Variants in VWA3B observed in about 807,000 individuals in gnomAD.
The protein encoded by VWA3B is von Willebrand factor A domain-containing protein 3B.
A neutral mutation model predicts 158.3 loss-of-function variants in VWA3B; 138 were observed. The observed-to-expected ratio is 0.87, with a 90% CI of 0.76 to 1.00. The LOEUF (loss-of-function observed/expected upper bound fraction) is 1.00, where lower values mean the gene tolerates loss of function less well. Among genes scored for constraint, VWA3B ranks in the 50% least tolerant of loss-of-function variants. The probability of loss-of-function intolerance (pLI) is 0.00; values close to 1 mark genes in which losing one functional copy is unlikely to be tolerated. For synonymous variants in VWA3B, 596 were observed against 587.3 expected (o/e 1.01, Z -0.21); for missense variants, 1,555 against 1,565.1 (o/e 0.99, Z 0.11).
chr2:98,290,904 A>G (rs945858973), intron 23 of VWA3B: 1 of 328,590 alleles, frequency 3.0e-6, no homozygotes, highest in Non-Finnish European at 5.6e-6. Flanking sequence ...TGTATGTAAT[A>G]TTTTGAAAGT....
chr2:98,248,010 T>G (rs1686509402), intron 19 of VWA3B, among the ~76,000 whole-genome samples: 1 of 152,090 alleles, frequency 6.6e-6, no homozygotes, highest in South Asian at 2.1e-4. Context: ...AGTTCACCAG[T>G]TCTTTTTTAA....
intron 19 of VWA3B, among the ~76,000 whole-genome samples, chr2:98,248,296 G>C (rs1686529911): frequency 6.6e-6 from 1 of 151,952 alleles, no homozygotes; most frequent in African/African-American, 2.4e-5. Context: ...TTGTTAATTT[G>C]CTCAGCTATG....
At chr2:98,228,061 A>C in intron 14 of VWA3B, 141 bp from the exon 15 acceptor site, 1 of 868,180 alleles carries the variant, frequency 1.2e-6, no homozygotes, top group East Asian at 2.9e-5. Flanking sequence ...GGCCAAGATG[A>C]GAGGATCACT....
intron 6 of VWA3B, among the ~76,000 whole-genome samples, chr2:98,129,784 C>T (rs1343121271): frequency 6.6e-6 from 1 of 152,128 alleles, no homozygotes; most frequent in Non-Finnish European, 1.5e-5. Flanking sequence ...ATTATAAAAT[C>T]CTTTCCTAAG....
chr2:98,234,308 T>A (rs1452174121), intron 16 of VWA3B, among the ~76,000 whole-genome samples: 1 of 152,192 alleles, frequency 6.6e-6, no homozygotes, highest in East Asian at 1.9e-4. Flanking sequence ...GGAAGAGTCG[T>A]GTGAGAAGTA....
At chr2:98,223,308 C>A (rs201142083) in intron 14 of VWA3B, among the ~76,000 whole-genome samples, 90 of 123,472 alleles carry the variant, frequency 7.3e-4, no homozygotes, top group South Asian at 1.8e-3. Context: ...GAAAATAGAC[C>A]AAAAAAAAAA....
intron 14 of VWA3B, among the ~76,000 whole-genome samples, chr2:98,227,010 A>G (rs1684964225): frequency 6.6e-6 from 1 of 152,024 alleles, no homozygotes; most frequent in African/African-American, 2.4e-5. Context: ...CTCTCTCACC[A>G]CTCCTATTCA....
chr2:98,161,942 A>G (rs1678622617), intron 7 of VWA3B, among the ~76,000 whole-genome samples: 1 of 152,132 alleles, frequency 6.6e-6, no homozygotes, highest in Admixed American at 6.5e-5. Context: ...CCTGACCTCC[A>G]TTGATCTGCC....
At chr2:98,188,174 G>A in intron 10 of VWA3B, 45 bp downstream of exon 10, 1 of 1,580,074 alleles carries the variant, frequency 6.3e-7, no homozygotes, top group Non-Finnish European at 8.6e-7. Flanking sequence ...CCTCGCTCTG[G>A]ACATTCTCAT....
At chr2:98,175,813 T>C (rs1303078508) in intron 8 of VWA3B, among the ~76,000 whole-genome samples, 1 of 152,244 alleles carries the variant, frequency 6.6e-6, no homozygotes, top group Non-Finnish European at 1.5e-5. Flanking sequence ...AACATTTACC[T>C]GATCTCCACA....
chr2:98,099,063 G>C (rs1682910219), intron 2 of VWA3B, among the ~76,000 whole-genome samples: 1 of 151,972 alleles, frequency 6.6e-6, no homozygotes, highest in Non-Finnish European at 1.5e-5. Context: ...AATTATTCTA[G>C]TTATTATTAT....
intron 26 of VWA3B, among the ~76,000 whole-genome samples, chr2:98,311,193 C>T (rs1051878406): frequency 6.6e-6 from 1 of 152,144 alleles, no homozygotes; most frequent in Non-Finnish European, 1.5e-5. Context: ...AAACGGTGAG[C>T]CATGGAGGCA....
chr2:98,326,467 G>A, the VWA3B span, among the ~76,000 whole-genome samples: 1 of 152,128 alleles, frequency 6.6e-6, no homozygotes, highest in African/African-American at 2.4e-5. Flanking sequence ...AATATTTGAA[G>A]ACAAAATTAT....
At chr2:98,217,042 G>GC in intron 13 of VWA3B, 1 of 1,203,102 alleles carries the variant, frequency 8.3e-7, no homozygotes, top group Non-Finnish European at 1.1e-6. Flanking sequence ...ATGTTCAAGT[G>GC]CCCCAGGATG....
Position 98,129,224 on chromosome 2 carries a change from A to AGTGT in VWA3B, c.872+848_872+851dup, listed in dbSNP as rs1228441504. ...AGAGAGAGGAGAGAGAGAGAGAGAG[A>AGTGT]GTGTGTGTGTGTGTGTGTGTGTGTG... On this transcript the variant is annotated intron_variant, in intron 6 of 27. Transcript: ENST00000477737. 5.1e-3 allele frequency among the ~76,000 whole-genome samples: 634 copies of AGTGT among 124,640 alleles called. 5 individuals carry two copies. The highest frequency in any genetic ancestry group is 0.013 in the South Asian group (46 of 3,672). The allele number at this position is 124,640 out of a possible 152,430, so 81.8% of individuals were successfully genotyped here.
chr2:98,228,125 A>G, intron 14 of VWA3B, 77 bp from the exon 15 acceptor site: 2 of 1,472,370 alleles, frequency 1.4e-6, no homozygotes, highest in Non-Finnish European at 1.8e-6. Flanking sequence ...TCTTGTCTCT[A>G]AAAAGAAAAG....
chr2:98,256,149 G>C lies in VWA3B; in HGVS notation c.2818G>C (p.Ala940Pro), dbSNP rs1687124535. 6.2e-7 allele frequency: 1 copy of C among 1,612,818 alleles called. No individual in the cohort carries two copies. Among genetic ancestry groups the C allele is most frequent in the Non-Finnish European group, 8.5e-7 (1 of 1,179,760 alleles). Reference sequence around the variant, plus strand: ...GCGCTTGAATAAAATTGTTTGGCGAGCATTATCTCAAGAGGAAAAAGAAAA... The same window carrying C: ...GCGCTTGAATAAAATTGTTTGGCGACCATTATCTCAAGAGGAAAAAGAAAA... ...EKRLNKIVWR[A>P]LSQEEKEKLD... The change falls in exon 21 of 28, where the codon GCA (alanine) becomes CCA (proline). Residue 940 changes from alanine to proline, a missense_variant. By Grantham distance (27) the Ala-to-Pro change is conservative (BLOSUM62 -1). Coordinates refer to ENST00000477737, the MANE Select transcript of VWA3B (RefSeq NM_144992.5).
chr2:98,139,252 C>A (rs566165777), intron 7 of VWA3B, among the ~76,000 whole-genome samples: 2 of 152,218 alleles, frequency 1.3e-5, no homozygotes, highest in African/African-American at 4.8e-5. Flanking sequence ...GGGCAGGCCT[C>A]GGGACTGCAG....
rs1373903594 is a variant in VWA3B at position 98,212,005 on chromosome 2, C to A, written c.1813C>A (p.Leu605Met). 3 of 1,614,142 alleles carry A rather than the reference C, an allele frequency of 1.9e-6. No homozygotes were observed. In the South Asian group the frequency reaches 3.3e-5, roughly 18 times the overall value. The change falls in exon 13 of 28, where the codon CTG (leucine) becomes ATG (methionine). Residue 605 changes from leucine (L) to methionine (M), a missense_variant. By Grantham distance (15) the Leu-to-Met change is conservative. Coordinates refer to ENST00000477737, the MANE Select transcript of VWA3B (RefSeq NM_144992.5). ...ADKETQAIYL[L>M]TDGRPDQPPE... The stretch of plus-strand genomic sequence containing the variant: ...TAAAGAAACACAGGCAATCTACCTT[C>A]TGACCGATGGGAGACCTGATCAGGT...
Sources: allele counts gnomAD v4.1 joint callset (sites outside exome capture counted in the v4.1 genomes callset), GRCh38; gene constraint gnomAD v4.1.1; transcripts MANE v1.5; gene names NCBI Gene and HGNC (gene_info 2026-07-23, HGNC 2026-07-21).